The following ATF7 variants were observed in gnomAD, a reference collection of about 807,000 sequenced individuals.
The protein encoded by ATF7 is activating transcription factor 7, also known as cyclic AMP-dependent transcription factor ATF-7.
ATF7 carries 10 observed loss-of-function variants against 50.4 expected under a neutral mutation model. The observed-to-expected ratio is 0.20, with a 90% CI of 0.12 to 0.34. The LOEUF (loss-of-function observed/expected upper bound fraction) is 0.34, where lower values mean the gene tolerates loss of function less well. Among genes scored for constraint, ATF7 ranks in the 10% least tolerant of loss-of-function variants. ATF7 has a pLI of 1.00. For synonymous variants in ATF7, 201 were observed against 226.4 expected (o/e 0.89, Z 1.01); for missense variants, 465 against 613.9 (o/e 0.76, Z 2.56).
At chr12:53,591,570 G>A (rs2137771282) in intron 2 of ATF7, among the ~76,000 whole-genome samples, 1 of 152,306 alleles carries the variant, frequency 6.6e-6, no homozygotes, top group South Asian at 2.1e-4. Flanking sequence ...CTCTCCCTGT[G>A]GCTAAGGAAT....
At chr12:53,605,499 C>T (rs1332142834) in intron 1 of ATF7, among the ~76,000 whole-genome samples, 2 of 151,832 alleles carry the variant, frequency 1.3e-5, no homozygotes, top group Non-Finnish European at 2.9e-5. Context: ...CATTAATTCA[C>T]CAAATAATTT....
chr12:53,557,390 C>A (rs1940818784), intron 2 of ATF7, among the ~76,000 whole-genome samples: 1 of 151,390 alleles, frequency 6.6e-6, no homozygotes. Flanking sequence ...TTTGTAGAGA[C>A]AGGGTTTCAC....
At chr12:53,543,744 C>A in intron 3 of ATF7, 1 of 318,616 alleles carries the variant, frequency 3.1e-6, no homozygotes, top group Admixed American at 4.6e-5. Context: ...TTACCTCCAA[C>A]CAAACCAAAC....
chr12:53,563,798 G>A lies in ATF7; in HGVS notation c.49-11161C>T, dbSNP rs77441588. Reference sequence around the variant, plus strand: ...ACTGTTGAAAAGCTTTATCACTCTTGGATTCTCAGACCTTAACATGGCACA... The same window carrying A: ...ACTGTTGAAAAGCTTTATCACTCTTAGATTCTCAGACCTTAACATGGCACA... On this transcript the variant is annotated intron_variant, in intron 2 of 11. Coordinates refer to ENST00000420353, the MANE Select transcript of ATF7 (RefSeq NM_006856.3). Among the ~76,000 whole-genome samples, 195 of 152,320 alleles carry A rather than the reference G, an allele frequency of 1.3e-3. 2 individuals are homozygous for A. In the East Asian group the frequency reaches 0.028, roughly 22 times the overall value.
intron 2 of ATF7, among the ~76,000 whole-genome samples, chr12:53,583,037 CA>C (rs1942510902): frequency 6.6e-6 from 1 of 151,966 alleles, no homozygotes. Flanking sequence ...CATCCACATG[CA>C]AAAAAATGAA....
At chr12:53,568,935 G>A (rs1488494145) in intron 2 of ATF7, among the ~76,000 whole-genome samples, 1 of 152,026 alleles carries the variant, frequency 6.6e-6, no homozygotes, top group Non-Finnish European at 1.5e-5. Context: ...GCTGAGGCAG[G>A]AGGATCACCT....
Position 53,537,461 on chromosome 12 carries a change from G to C in ATF7, c.356C>G (p.Pro119Arg). The C allele has an allele frequency of 6.2e-7, 1 of 1,613,800 alleles. No individual in the cohort carries two copies. Among genetic ancestry groups the C allele is most frequent in the Non-Finnish European group, 8.5e-7 (1 of 1,179,842 alleles). Residue 119 changes from proline (P) to arginine (R), a missense_variant, in exon 5 of 12, where the codon CCT becomes CGT. By Grantham distance (103) the Pro-to-Arg change is moderately radical. Transcript: ENST00000420353. ...ACAGGGACTAGAGGCAGGGCTATCA[G>C]GTGGGGATGAGTCTACCTCCACTGG... ...EEPVEVDSSP[P>R]DSPASSPCSP...
At chr12:53,532,242 CTG>C (rs1938944294) in intron 8 of ATF7, among the ~76,000 whole-genome samples, 1 of 152,198 alleles carries the variant, frequency 6.6e-6, no homozygotes, top group Non-Finnish European at 1.5e-5. Context: ...CACCCTCCAT[CTG>C]TCACCCTAAA....
chr12:53,587,871 A>C (rs1436231081), intron 2 of ATF7, among the ~76,000 whole-genome samples: 1 of 80,854 alleles, frequency 1.2e-5, no homozygotes, highest in Non-Finnish European at 2.8e-5. Flanking sequence ...TTTTGACACG[A>C]AGTCTTGCTC....
At chr12:53,609,418 T>C (rs953429751) in intron 1 of ATF7, among the ~76,000 whole-genome samples, 1 of 150,610 alleles carries the variant, frequency 6.6e-6, no homozygotes, top group African/African-American at 2.4e-5. Context: ...CCTCCCAAAG[T>C]GCTGGGATTA....
chr12:53,570,542 C>A (rs1941689509), intron 2 of ATF7, among the ~76,000 whole-genome samples: 2 of 152,110 alleles, frequency 1.3e-5, no homozygotes, highest in African/African-American at 2.4e-5. Context: ...ATACAACATA[C>A]CAGGTGGCTT....
chr12:53,543,192 C>G (rs527394372), intron 4 of ATF7, 138 bp downstream of exon 4: 65 of 1,542,924 alleles, frequency 4.2e-5, no homozygotes, highest in Non-Finnish European at 5.3e-5. Context: ...TTAGTGACTA[C>G]TATCTGGTTT....
chr12:53,555,082 G>C (rs1259413250), intron 2 of ATF7, among the ~76,000 whole-genome samples: 1 of 152,080 alleles, frequency 6.6e-6, no homozygotes, highest in Non-Finnish European at 1.5e-5. Flanking sequence ...AGCACTGGGA[G>C]GCTGAGGCAG....
At chr12:53,565,303 T>G (rs1182034385) in intron 2 of ATF7, among the ~76,000 whole-genome samples, 1 of 133,680 alleles carries the variant, frequency 7.5e-6, no homozygotes, top group East Asian at 2.0e-4. Flanking sequence ...AAAAGATTAG[T>G]TTTTTTTTTT....
chr12:53,525,323 A>G (rs944990743), intron 9 of ATF7, among the ~76,000 whole-genome samples: 1 of 152,240 alleles, frequency 6.6e-6, no homozygotes, highest in African/African-American at 2.4e-5. Context: ...ATTGCACTCC[A>G]GCCTGGGCAA....
chr12:53,619,886 G>A (rs921208598), intron 1 of ATF7, among the ~76,000 whole-genome samples: 1 of 151,736 alleles, frequency 6.6e-6, no homozygotes, highest in African/African-American at 2.4e-5. Flanking sequence ...TAGCTCATGC[G>A]TGTAATCTCA....
At chr12:53,539,270 A>C (rs1939396363) in intron 4 of ATF7, among the ~76,000 whole-genome samples, 1 of 152,218 alleles carries the variant, frequency 6.6e-6, no homozygotes, top group Admixed American at 6.5e-5. Context: ...ATTTGCCTAT[A>C]ATAAATTGGG....
chr12:53,554,924 G>A (rs1468704063), intron 2 of ATF7, among the ~76,000 whole-genome samples: 1 of 145,680 alleles, frequency 6.9e-6, no homozygotes, highest in African/African-American at 2.5e-5. Flanking sequence ...GATTGATCTA[G>A]GACAAAAACT....
intron 2 of ATF7, among the ~76,000 whole-genome samples, chr12:53,596,968 C>CGTT (rs1175424936): frequency 1.1e-4 from 16 of 152,278 alleles, no homozygotes; most frequent in Non-Finnish European, 1.9e-4. Context: ...CAACACTAAC[C>CGTT]CCATTCTCAG....
Sources: allele counts gnomAD v4.1 joint callset (sites outside exome capture counted in the v4.1 genomes callset), GRCh38; gene constraint gnomAD v4.1.1; transcripts MANE v1.5; gene names NCBI Gene and HGNC (gene_info 2026-07-23, HGNC 2026-07-21).